The following PCDHGA4 variants were observed in gnomAD, a reference collection of about 807,000 sequenced individuals.
PCDHGA4 encodes protocadherin gamma subfamily A, 4.
Under a neutral mutation model 54.6 loss-of-function variants are expected in PCDHGA4, and 38 were observed. That is an observed-to-expected ratio of 0.70 (90% CI 0.54 to 0.91). PCDHGA4 has a LOEUF of 0.91. PCDHGA4 is among the 40% of genes least tolerant of loss of function. The pLI is 0.00. For missense variants in PCDHGA4, 1,298 were observed against 1,220.9 expected (o/e 1.06, Z -0.94); for synonymous variants, 511 against 512.9 (o/e 1.00, Z 0.05).
intron 1 of PCDHGA4, chr5:141,399,816 G>A: frequency 1.2e-6 from 2 of 1,613,196 alleles, no homozygotes; most frequent in Non-Finnish European, 1.7e-6. Context: ...ACCCCGCGCT[G>A]GGTCCCGACG....
intron 1 of PCDHGA4, among the ~76,000 whole-genome samples, chr5:141,405,902 G>A (rs777584362): frequency 2.6e-5 from 4 of 152,084 alleles, no homozygotes; most frequent in Non-Finnish European, 4.4e-5. Flanking sequence ...CTGAAAGGAG[G>A]CATTTATTAG....
Position 141,489,652 on chromosome 5 carries a change from C to T in PCDHGA4, c.2515-5155C>T, listed in dbSNP as rs767143028. The T allele has an allele frequency of 3.1e-6, 5 of 1,614,024 alleles. No individual in the cohort carries two copies. Among genetic ancestry groups the T allele is most frequent in the Non-Finnish European group, 4.2e-6 (5 of 1,180,026 alleles). ...CTCTCCTAGCTTTGCCACCCCTGAG[C>T]GAGAGATGCGCATCTCAGAATCAGC... On this transcript the variant is annotated intron_variant, in intron 1 of 3. Coordinates refer to ENST00000571252, the MANE Select transcript of PCDHGA4 (RefSeq NM_018917.4). The surrounding 1 kb of genome is among the most constrained non-coding windows in gnomAD (Gnocchi z 4.5).
chr5:141,443,029 C>A (rs1281303741), intron 1 of PCDHGA4, among the ~76,000 whole-genome samples: 1 of 152,192 alleles, frequency 6.6e-6, no homozygotes, highest in Admixed American at 6.5e-5. Flanking sequence ...AGTTGCCAGA[C>A]CTAAACTTTG....
chr5:141,364,513 G>T, intron 1 of PCDHGA4: 1 of 1,614,052 alleles, frequency 6.2e-7, no homozygotes, highest in Non-Finnish European at 8.5e-7. Context: ...AGCTGGCGGA[G>T]CGCGGAGTCC....
intron 1 of PCDHGA4, chr5:141,399,510 C>T: frequency 6.2e-7 from 1 of 1,614,040 alleles, no homozygotes; most frequent in Non-Finnish European, 8.5e-7. Context: ...CCGAAAACAA[C>T]CCTCCTGGGG....
intron 1 of PCDHGA4, among the ~76,000 whole-genome samples, chr5:141,445,582 T>C (rs886701142): frequency 6.6e-6 from 1 of 152,214 alleles, no homozygotes; most frequent in Non-Finnish European, 1.5e-5. Context: ...TAGGGAAGCT[T>C]CGCCTAATCT....
intron 2 of PCDHGA4, among the ~76,000 whole-genome samples, chr5:141,500,184 T>TTTTATTTATTTATTTA (rs58019021): frequency 1.5e-5 from 2 of 135,886 alleles, no homozygotes; most frequent in African/African-American, 5.4e-5. Flanking sequence ...TCATTTTTAT[T>TTTTATTTATTTATTTA]TTTATTTATT....
rs866649962 is a variant in PCDHGA4 at position 141,482,106 on chromosome 5, T to A, written c.2515-12701T>A. Reference sequence around the variant, plus strand: ...CTCCATCTCAAAAAAAAAAAAAAAATATCTAGAGATGGGAGAATCATATGG... The same window carrying A: ...CTCCATCTCAAAAAAAAAAAAAAAAAATCTAGAGATGGGAGAATCATATGG... On this transcript the variant is annotated intron_variant, in intron 1 of 3. Transcript: ENST00000571252. 2.5e-3 allele frequency among the ~76,000 whole-genome samples: 342 copies of A among 138,882 alleles called. 1 individual carries two copies. Among genetic ancestry groups the A allele is most frequent in the Middle Eastern group, 0.011 (3 of 272 alleles). 91.1% of individuals were successfully genotyped at this position (138,882 alleles called of 152,430 possible). A position where few individuals can be genotyped will look rare whatever the true frequency, so the allele number is the denominator to read the frequency against.
chr5:141,490,808 A>C lies in PCDHGA4; in HGVS notation c.2515-3999A>C. On this transcript the variant is annotated intron_variant, in intron 1 of 3. Coordinates refer to ENST00000571252, the MANE Select transcript of PCDHGA4 (RefSeq NM_018917.4). The surrounding 1 kb of genome is among the most constrained non-coding windows in gnomAD (Gnocchi z 5.4). The stretch of plus-strand genomic sequence containing the variant: ...CGGATCTTTGCCCAGCGTACCTTTG[A>C]CTATGAATTGCTGCAGATGCTGCAG... 1 of 1,613,884 alleles carries C rather than the reference A, an allele frequency of 6.2e-7. No homozygotes were observed. The highest frequency in any genetic ancestry group is 8.5e-7 in the Non-Finnish European group (1 of 1,179,874).
At chr5:141,394,982 C>CCTGCTCCA (rs2093142772) in intron 1 of PCDHGA4, 2 of 1,613,866 alleles carry the variant, frequency 1.2e-6, no homozygotes, top group South Asian at 2.2e-5. Flanking sequence ...ACAAGTCACG[C>CCTGCTCCA]CTGCTCCAGG....
rs560197175 is a variant in PCDHGA4, at chr5:141,434,430, G to A, written c.2515-60377G>A. Among the ~76,000 whole-genome samples the A allele has an allele frequency of 2.4e-4, 36 of 152,326 alleles. 1 individual carries two copies. In the South Asian group the frequency reaches 6.4e-3, roughly 27 times the overall value. On this transcript the variant is annotated intron_variant, in intron 1 of 3. Coordinates refer to ENST00000571252, the MANE Select transcript of PCDHGA4 (RefSeq NM_018917.4). ...GCACTGTGACATGTTCATGATGGCC[G>A]TAATGCCCATGCTGGAAGGTAGTGG...
chr5:141,417,785 A>C (rs1273908599), intron 1 of PCDHGA4: 22 of 1,476,018 alleles, frequency 1.5e-5, no homozygotes, highest in Non-Finnish European at 1.7e-5. Context: ...TCCTGGGCCG[A>C]ATGCTCTTTT....
intron 1 of PCDHGA4, chr5:141,366,871 G>C: frequency 1.4e-6 from 2 of 1,404,144 alleles, no homozygotes; most frequent in African/African-American, 1.4e-5. Flanking sequence ...TGCTGTATTG[G>C]AGATTAATTT....
rs758205179 is a variant in PCDHGA4 at position 141,477,813 on chromosome 5, A to G, written c.2515-16994A>G. ...ACTGATCGCAATGACAATGCCCCCC[A>G]GGTCCTATATCCTCGGCCAGGTGGG... On this transcript the variant is annotated intron_variant, in intron 1 of 3. Transcript: ENST00000571252. This position sits in a 1 kb window ranked among gnomAD's most constrained non-coding sequence, Gnocchi z 4.9. The G allele has an allele frequency of 8.1e-6, 13 of 1,614,002 alleles. No homozygotes were observed. The East Asian group carries it at 2.7e-4, about 33-fold the overall frequency.
chr5:141,428,223 A>C (rs539110667), intron 1 of PCDHGA4: 30 of 1,169,680 alleles, frequency 2.6e-5, no homozygotes, highest in Admixed American at 2.5e-4. Flanking sequence ...TAGTCTTCGC[A>C]GACAGCCTGC....
In PCDHGA4 at chr5:141,389,782, G is replaced by C. The variant is rs768524617; in HGVS notation, c.2514+32161G>C. 4 of 1,613,192 alleles carry C rather than the reference G, an allele frequency of 2.5e-6. No individual in the cohort carries two copies. In the African/African-American group the frequency reaches 5.3e-5, roughly 22 times the overall value. On this transcript the variant is annotated intron_variant, in intron 1 of 3. Transcript: ENST00000571252. ...CGCACAGCGCGTGCCTTAGGCGACAGGGACGCCGTCCGCCAGCGCCTTCTG... is the reference window on the plus strand; with the variant it reads ...CGCACAGCGCGTGCCTTAGGCGACACGGACGCCGTCCGCCAGCGCCTTCTG...
chr5:141,390,330 C>T, intron 1 of PCDHGA4: 1 of 1,600,608 alleles, frequency 6.2e-7, no homozygotes, highest in Non-Finnish European at 8.5e-7. Flanking sequence ...ACCCATTTCT[C>T]CATATTCACA....
intron 2 of PCDHGA4, among the ~76,000 whole-genome samples, chr5:141,500,035 CTT>C: frequency 6.6e-6 from 1 of 152,100 alleles, no homozygotes; most frequent in East Asian, 1.9e-4. Flanking sequence ...GTGAGTGTCT[CTT>C]AAGTATCTTA....
At chr5:141,475,950 C>T (rs1236145505) in intron 1 of PCDHGA4, 3 of 761,526 alleles carry the variant, frequency 3.9e-6, no homozygotes, top group East Asian at 2.7e-5. Context: ...CCCCTTTCTG[C>T]GCCCCGGGAT....
Sources: allele counts gnomAD v4.1 joint callset (sites outside exome capture counted in the v4.1 genomes callset), GRCh38; gene constraint gnomAD v4.1.1; non-coding constraint Gnocchi (gnomAD v3.1); transcripts MANE v1.5; gene names NCBI Gene and HGNC (gene_info 2026-07-23, HGNC 2026-07-21).